Variants in AKAP9 observed in about 807,000 individuals in gnomAD.
AKAP9 encodes A-kinase anchoring protein 9.
A neutral mutation model predicts 488.5 loss-of-function variants in AKAP9; 311 were observed. The observed-to-expected ratio is 0.64, with a 90% CI of 0.58 to 0.70. The LOEUF (loss-of-function observed/expected upper bound fraction) is 0.70. AKAP9 is among the 30% of genes least tolerant of loss of function. AKAP9 has a pLI of 0.00. For missense variants in AKAP9, 4,215 were observed against 4,374.5 expected (o/e 0.96, Z 1.03); for synonymous variants, 1,462 against 1,483.5 (o/e 0.99, Z 0.33).
intron 38 of AKAP9, 39 bp downstream of exon 38, chr7:92,089,568 G>A (rs1230564158): frequency 1.9e-6 from 3 of 1,600,538 alleles, no homozygotes; most frequent in East Asian, 2.2e-5. Flanking sequence ...ACACAAACAG[G>A]TGAAAAGATT....
Position 92,098,108 on chromosome 7 carries a change from G to T in AKAP9, c.10608-1G>T. 1 of 1,598,326 alleles carries T rather than the reference G, an allele frequency of 6.3e-7. No individual in the cohort carries two copies. Among genetic ancestry groups the T allele is most frequent in the South Asian group, 1.1e-5 (1 of 90,590 alleles). ...TTTGACTTTTTGTCTTTTTCTTGAA[G>T]ACTACAGTTTGAAACAGCAGATGAT... is the stretch of plus-strand genomic sequence containing the variant. On this transcript the variant is annotated splice_acceptor_variant, in intron 42 of 49. Transcript: ENST00000356239. LOFTEE classifies it high-confidence loss of function.
intron 21 of AKAP9, 48 bp from the exon 22 acceptor site, chr7:92,052,678 T>A (rs904805262): frequency 3.8e-6 from 5 of 1,302,122 alleles, no homozygotes; most frequent in Non-Finnish European, 5.3e-6. Context: ...CTTTAAAAAA[T>A]TATGATTATT....
chr7:92,072,215 A>G (rs1272896818), intron 28 of AKAP9, among the ~76,000 whole-genome samples: 3 of 152,180 alleles, frequency 2.0e-5, no homozygotes, highest in Non-Finnish European at 4.4e-5. Flanking sequence ...TGAATTAAGT[A>G]TCTAATAACT....
chr7:92,083,374 A>G lies in AKAP9; in HGVS notation c.8365A>G (p.Ser2789Gly). ...ASQTDGTLKI[S>G]SSNQTPQILV... is the part of the protein sequence containing the mutation. The stretch of plus-strand genomic sequence containing the variant: ...CCAGACAGATGGGACTCTGAAGATC[A>G]GTAGCAGCAATCAGACTCCACAAAT... Residue 2789 changes from serine (S) to glycine (G), a missense_variant, in exon 33 of 50, where the codon AGT becomes GGT. Ser to Gly is a moderately conservative substitution (Grantham distance 56). Transcript: ENST00000356239. The G allele has an allele frequency of 6.2e-7, 1 of 1,614,058 alleles. No individual in the cohort carries two copies. Among genetic ancestry groups the G allele is most frequent in the Non-Finnish European group, 8.5e-7 (1 of 1,179,990 alleles).
rs758387268 is a variant in AKAP9, at chr7:92,058,184, A to G, written c.5602-3076A>G. 8.4e-6 allele frequency: 5 copies of G among 593,550 alleles called. No individual in the cohort carries two copies. The East Asian group carries it at 1.8e-4, about 21-fold the overall frequency. 36.8% of individuals were successfully genotyped at this position (593,550 alleles called of 1,614,324 possible). ...ATCTTCTGGGATGGATTCTTATAGCACCTATTTGGCAACTGTCAAAGTCAG... is the reference window on the plus strand; with the variant it reads ...ATCTTCTGGGATGGATTCTTATAGCGCCTATTTGGCAACTGTCAAAGTCAG... On this transcript the variant is annotated intron_variant, in intron 22 of 49. Transcript: ENST00000356239.
intron 22 of AKAP9, among the ~76,000 whole-genome samples, chr7:92,058,746 G>A (rs1043884167): frequency 1.3e-5 from 2 of 151,976 alleles, no homozygotes; most frequent in African/African-American, 4.8e-5. Context: ...TCGGTATTAT[G>A]ATACTTATAA....
chr7:91,989,730 A>G (rs1360498013), intron 3 of AKAP9, among the ~76,000 whole-genome samples: 2 of 152,072 alleles, frequency 1.3e-5, no homozygotes, highest in African/African-American at 2.4e-5. Flanking sequence ...TTGAACTCTT[A>G]TAATTTTCAT....
chr7:92,079,750 G>A lies in AKAP9; in HGVS notation c.7617G>A (p.Lys2539=). 6.2e-7 allele frequency: 1 copy of A among 1,614,078 alleles called. No individual in the cohort carries two copies. Among genetic ancestry groups the A allele is most frequent in the Middle Eastern group, 1.7e-4 (1 of 6,060 alleles). The part of the protein sequence containing the change: ...GQFETEMLQK[K]IVNLQKIVEE... ...TTGAAACAGAAATGCTTCAAAAGAA[G>A]ATTGTAAACCTACAGAAAATAGTTG... The change falls in exon 31 of 50, where the codon AAG becomes AAA. Residue 2539 remains lysine (K), a synonymous_variant. Transcript: ENST00000356239.
At chr7:92,083,798 G>A in intron 33 of AKAP9, 143 bp downstream of exon 33, 1 of 841,616 alleles carries the variant, frequency 1.2e-6, no homozygotes, top group East Asian at 2.7e-5. Flanking sequence ...TATTATCAAG[G>A]CAAGTTTTAA....
In AKAP9 at chr7:91,980,518, T is replaced by TTTTTC. The variant is rs1554393473; in HGVS notation, c.351+185_351+186insTTTTC. Reference sequence around the variant, plus strand: ...GACTTTTTTTTTTTTTTTTTTTTTTTCAGATTATTAGCTAAGGTCTTAAGT... The same window carrying TTTTTC: ...GACTTTTTTTTTTTTTTTTTTTTTTTTTTTCCAGATTATTAGCTAAGGTCTTAAGT... On this transcript the variant is annotated intron_variant, in intron 3 of 49. Transcript: ENST00000356239. Among the ~76,000 whole-genome samples the TTTTTC allele has an allele frequency of 4.2e-5, 6 of 143,084 alleles. No individual in the cohort carries two copies. In the South Asian group the frequency reaches 6.8e-4, roughly 16 times the overall value. The allele number at this position is 143,084 out of a possible 152,430, so 93.9% of individuals were successfully genotyped here.
At chr7:92,028,229 A>C (rs1367305403) in intron 14 of AKAP9, among the ~76,000 whole-genome samples, 1 of 139,046 alleles carries the variant, frequency 7.2e-6, no homozygotes, top group African/African-American at 2.7e-5. Flanking sequence ...CCTTCTCTCC[A>C]CTATTATCCT....
At chr7:92,070,354 G>A in intron 27 of AKAP9, 148 bp downstream of exon 27, 2 of 915,996 alleles carry the variant, frequency 2.2e-6, no homozygotes, top group African/African-American at 1.7e-5. Flanking sequence ...TCCAAATGTT[G>A]CTTGCATGTC....
At position 92,042,063 on chromosome 7, in the gene AKAP9, T is replaced by C. The variant is rs1806201846; in HGVS notation, c.4935T>C (p.Asn1645=). The C allele has an allele frequency of 1.2e-6, 2 of 1,613,754 alleles. No individual in the cohort carries two copies. The highest frequency in any genetic ancestry group is 1.3e-5 in the African/African-American group (1 of 74,884). Residue 1645 remains asparagine, a synonymous_variant, in exon 19 of 50, where the codon AAT becomes AAC. Transcript: ENST00000356239. ...RQLAQRSSID[N]ENLVSERERV... ...TTATTTAGAGATCCTCCATAGATAA[T>C]GAAAACCTGGTTTCAGAGAGAGAGA...
rs563280957 is a variant in AKAP9, at chr7:91,995,373, G to A, written c.733-230G>A. Among the ~76,000 whole-genome samples the A allele has an allele frequency of 5.3e-5, 8 of 152,226 alleles. No homozygotes were observed. The South Asian group carries it at 1.5e-3, about 28-fold the overall frequency. ...TGTCTTTGATGCCCCACTTTTCTTC[G>A]TATATCTGCCTCAGTCTCAGGAGAC... is the stretch of plus-strand genomic sequence containing the variant. On this transcript the variant is annotated intron_variant, in intron 6 of 49. Coordinates refer to ENST00000356239, the MANE Select transcript of AKAP9 (RefSeq NM_005751.5).
At chr7:91,957,255 A>C (rs1347011604) in intron 1 of AKAP9, among the ~76,000 whole-genome samples, 1 of 152,166 alleles carries the variant, frequency 6.6e-6, no homozygotes, top group Non-Finnish European at 1.5e-5. Flanking sequence ...AAATGTGTAG[A>C]ATTAACACTT....
chr7:92,013,277 C>G (rs1297712938), intron 9 of AKAP9, among the ~76,000 whole-genome samples: 1 of 151,844 alleles, frequency 6.6e-6, no homozygotes, highest in Non-Finnish European at 1.5e-5. Context: ...AGGCGTGAGC[C>G]ACCGCGCCCG....
chr7:91,965,705 C>A (rs771648959), intron 1 of AKAP9, among the ~76,000 whole-genome samples: 17 of 152,146 alleles, frequency 1.1e-4, no homozygotes, highest in Non-Finnish European at 2.1e-4. Flanking sequence ...TATTCCCTGT[C>A]TTTTTGATGA....
chr7:92,049,252 C>T (rs1807509941), intron 21 of AKAP9, among the ~76,000 whole-genome samples: 1 of 152,176 alleles, frequency 6.6e-6, no homozygotes, highest in African/African-American at 2.4e-5. Context: ...TTATTGGCAT[C>T]TTGTGAAGTT....
At chr7:92,042,408 A>T (rs1350149077) in intron 19 of AKAP9, among the ~76,000 whole-genome samples, 2 of 152,196 alleles carry the variant, frequency 1.3e-5, no homozygotes, top group African/African-American at 2.4e-5. Context: ...CACCAAAGAG[A>T]ACCTAACAAA....
Sources: gnomAD v4.1 joint callset for allele counts (sites outside exome capture counted in the v4.1 genomes callset) on GRCh38, gnomAD v4.1.1 for gene constraint, MANE v1.5 for transcripts, NCBI Gene and HGNC (gene_info 2026-07-23, HGNC 2026-07-21) for gene names.